ZNF398: variants seen among roughly 807,000 people sequenced by gnomAD.
The protein encoded by ZNF398 is zinc finger protein 398.
ZNF398 carries 18 observed loss-of-function variants against 41.9 expected under a neutral mutation model. The observed-to-expected ratio is 0.43, with a 90% CI of 0.30 to 0.64. ZNF398 has a LOEUF of 0.64. Among genes scored for constraint, ZNF398 ranks in the 30% least tolerant of loss-of-function variants. The probability of loss-of-function intolerance (pLI) is 0.14; values close to 1 mark genes in which losing one functional copy is unlikely to be tolerated. For missense variants in ZNF398, 669 were observed against 822.8 expected, an observed-to-expected ratio of 0.81 and a Z score of 2.29; for synonymous variants, 260 against 308.8, an observed-to-expected ratio of 0.84 and a Z score of 1.66.
chr7:149,129,791 ATTTG>A (rs1397506866), intron 2 of ZNF398, among the ~76,000 whole-genome samples: 4 of 151,602 alleles, frequency 2.6e-5, no homozygotes, highest in Non-Finnish European at 4.4e-5. Context: ...TTTTATACTT[ATTTG>A]TTTATTTATT....
Position 149,147,888 on chromosome 7 carries a change from C to G in ZNF398, c.24+122C>G, listed in dbSNP as rs1826996615. ...TCTCGGGTCCCGCCGGCCACGTCGC[C>G]TGTCGCCCGTGCTTGGCGGCTGCAG... On this transcript the variant is annotated intron_variant, in intron 1 of 5. Coordinates refer to ENST00000475153, the MANE Select transcript of ZNF398 (RefSeq NM_170686.3). This position sits in a 1 kb window ranked among gnomAD's most constrained non-coding sequence, Gnocchi z 5.6. 2 of 1,177,228 alleles carry G rather than the reference C, an allele frequency of 1.7e-6. No homozygotes were observed. Among genetic ancestry groups the G allele is most frequent in the Non-Finnish European group, 2.2e-6 (2 of 922,704 alleles). 72.9% of individuals were successfully genotyped at this position (1,177,228 alleles called of 1,614,324 possible). A position where few individuals can be genotyped will look rare whatever the true frequency, so the allele number is the denominator to read the frequency against.
upstream of ZNF398, chr7:149,147,447 C>T (rs1826975718): frequency 4.3e-6 from 1 of 231,170 alleles, no homozygotes; most frequent in Non-Finnish European, 8.3e-6. The surrounding 1 kb of genome is among the most constrained non-coding windows in gnomAD (Gnocchi z 5.6). Context: ...CCGCGCGGTT[C>T]CCGGTGCACT....
intron 1 of ZNF398, among the ~76,000 whole-genome samples, chr7:149,151,669 G>C (rs1827117385): frequency 6.6e-6 from 1 of 151,352 alleles, no homozygotes; most frequent in Non-Finnish European, 1.5e-5. Flanking sequence ...CGGTGACCCT[G>C]TCTCTAAAAA....
intron 4 of ZNF398, among the ~76,000 whole-genome samples, chr7:149,171,130 G>C (rs1051296003): frequency 1.3e-5 from 2 of 150,376 alleles, no homozygotes; most frequent in African/African-American, 2.4e-5. Context: ...TTATAGGCAT[G>C]AGCCACCGCG....
chr7:149,153,217 C>T (rs1794896625), intron 1 of ZNF398, among the ~76,000 whole-genome samples: 1 of 152,110 alleles, frequency 6.6e-6, no homozygotes, highest in African/African-American at 2.4e-5. Context: ...ATGGCACACA[C>T]CTGTAGCCCC....
At chr7:149,151,259 C>G (rs988684262) in intron 1 of ZNF398, 1 of 1,253,928 alleles carries the variant, frequency 8.0e-7, no homozygotes, top group Non-Finnish European at 1.0e-6. Flanking sequence ...TGGACTGATT[C>G]AAGGCCGGAG....
chr7:149,154,260 G>A lies in ZNF398; in HGVS notation c.340G>A (p.Glu114Lys), dbSNP rs945346384. 24 of 1,614,018 alleles carry A rather than the reference G, an allele frequency of 1.5e-5. No homozygotes were observed. The South Asian group carries it at 1.6e-4, about 11-fold the overall frequency. Reference sequence around the variant, plus strand: ...GTACGGGCTGCTGCAGAGGCGGCTGGAGAACTTGGAGAACCTGCTGCGCAA... The same window carrying A: ...GTACGGGCTGCTGCAGAGGCGGCTGAAGAACTTGGAGAACCTGCTGCGCAA... ...QEYGLLQRRL[E>K]NLENLLRNRN... Residue 114 changes from glutamate to lysine, a missense_variant, in exon 2 of 6, where the codon GAG becomes AAG. This residue lies in a region of ZNF398 where 169 missense variants were observed against 239.5 expected (regional missense o/e 0.71). Coordinates refer to ENST00000475153, the MANE Select transcript of ZNF398 (RefSeq NM_170686.3).
intron 4 of ZNF398, among the ~76,000 whole-genome samples, chr7:149,169,468 T>C (rs1277150475): frequency 6.6e-6 from 1 of 152,242 alleles, no homozygotes; most frequent in African/African-American, 2.4e-5. Flanking sequence ...GGTCTGGCTC[T>C]ATTGCCCAGG....
At chr7:149,152,125 A>G (rs1442224454) in intron 1 of ZNF398, among the ~76,000 whole-genome samples, 1 of 151,934 alleles carries the variant, frequency 6.6e-6, no homozygotes, top group African/African-American at 2.4e-5. Context: ...GAGGCAGGAG[A>G]ATCGCTTGAA....
chr7:149,144,854 G>A (rs1826900953), upstream of ZNF398, among the ~76,000 whole-genome samples: 1 of 152,110 alleles, frequency 6.6e-6, no homozygotes, highest in Non-Finnish European at 1.5e-5. Flanking sequence ...CTCCCAAAGT[G>A]CTGGGATTAT....
chr7:149,159,602 C>A (rs1012780682), intron 2 of ZNF398, among the ~76,000 whole-genome samples: 1 of 151,828 alleles, frequency 6.6e-6, no homozygotes, highest in Admixed American at 6.6e-5. Flanking sequence ...GAGCTGAGAT[C>A]GCACCACTGC....
In ZNF398 at chr7:149,178,974, C is replaced by A. The variant is rs780785187; in HGVS notation, c.1102C>A (p.His368Asn). 6.2e-7 allele frequency: 1 copy of A among 1,614,178 alleles called. No individual in the cohort carries two copies. Among genetic ancestry groups the A allele is most frequent in the Non-Finnish European group, 8.5e-7 (1 of 1,180,028 alleles). ...LTHQCSHATE[H>N]PLPCAQCPKH... Reference sequence around the variant, plus strand: ...CCACCAATGTAGCCATGCTACTGAGCACCCCTTACCCTGTGCCCAGTGCCC... The same window carrying A: ...CCACCAATGTAGCCATGCTACTGAGAACCCCTTACCCTGTGCCCAGTGCCC... Residue 368 changes from histidine to asparagine, a missense_variant, in exon 6 of 6, where the codon CAC becomes AAC. Physicochemically the swap from His to Asn is moderately conservative, Grantham distance 68. Around this residue, in one of 3 missense-constraint regions of ZNF398, gnomAD observed 290 missense variants for 292.9 expected, o/e 0.99. Coordinates refer to ENST00000475153, the MANE Select transcript of ZNF398 (RefSeq NM_170686.3).
intron 2 of ZNF398, among the ~76,000 whole-genome samples, chr7:149,137,860 G>A (rs574227067): frequency 4.2e-4 from 64 of 152,166 alleles, no homozygotes; most frequent in African/African-American, 1.3e-3. Flanking sequence ...TAAATAAGTC[G>A]GAAGCATCCA....
At chr7:149,127,548 CAAAAAA>C (rs61080328) in intron 1 of ZNF398, among the ~76,000 whole-genome samples, 6 of 74,902 alleles carry the variant, frequency 8.0e-5, no homozygotes, top group Non-Finnish European at 1.4e-4. Flanking sequence ...ACTAAAAATA[CAAAAAA>C]AAAAAAAAAA....
chr7:149,148,986 TA>T (rs2129520090), intron 1 of ZNF398, among the ~76,000 whole-genome samples: 1 of 149,206 alleles, frequency 6.7e-6, no homozygotes, highest in Admixed American at 6.8e-5. Context: ...CACCCCTGCT[TA>T]AATTCTCTAG....
chr7:149,155,287 G>A (rs1435073512), intron 2 of ZNF398, among the ~76,000 whole-genome samples: 2 of 152,220 alleles, frequency 1.3e-5, no homozygotes, highest in African/African-American at 4.8e-5. Flanking sequence ...GGGCTTGGTG[G>A]TGGGCGCCTT....
chr7:149,137,475 T>C (rs1203103157), intron 2 of ZNF398, among the ~76,000 whole-genome samples: 1 of 151,734 alleles, frequency 6.6e-6, no homozygotes, highest in Non-Finnish European at 1.5e-5. Context: ...TCTGCCTCCC[T>C]GGTTCAAGCA....
intron 2 of ZNF398, among the ~76,000 whole-genome samples, chr7:149,159,182 T>C (rs1417946645): frequency 2.6e-5 from 4 of 151,820 alleles, no homozygotes; most frequent in Non-Finnish European, 5.9e-5. Flanking sequence ...CCTCAAGTGA[T>C]GCACCTGCCC....
exon 1 of ZNF398, chr7:149,126,502 A>G: frequency 1.9e-6 from 1 of 512,940 alleles, no homozygotes; most frequent in South Asian, 2.6e-5. Flanking sequence ...CCGGATCTGC[A>G]TGCGAGGGAT....
Sources: gnomAD v4.1 joint callset for allele counts (sites outside exome capture counted in the v4.1 genomes callset) on GRCh38, gnomAD v4.1.1 for gene constraint, gnomAD v4.1.1 regional missense constraint, Gnocchi (gnomAD v3.1) non-coding constraint, MANE v1.5 for transcripts, NCBI Gene and HGNC (gene_info 2026-07-23, HGNC 2026-07-21) for gene names.